AGMAT: variants seen among roughly 807,000 people sequenced by gnomAD.
AGMAT encodes guanidino acid hydrolase, mitochondrial.
Under a neutral mutation model 29.3 loss-of-function variants are expected in AGMAT, and 37 were observed. The ratio of observed to expected loss-of-function variants is 1.26; its 90% CI spans 0.97 to 1.66. The LOEUF is 1.66. Ranked by LOEUF, AGMAT falls within the 40% of genes most tolerant of loss-of-function variation. The pLI is 0.00. For missense variants in AGMAT, 498 were observed against 497.8 expected (o/e 1.00, Z 0.00); for synonymous variants, 199 against 200.8 (o/e 0.99, Z 0.08).
chr1:15,584,621 C>T, intron 1 of AGMAT, 75 bp downstream of exon 1: 1 of 1,243,638 alleles, frequency 8.0e-7, no homozygotes, highest in South Asian at 4.0e-5. Context: ...GGGCGCCTGT[C>T]TCGGTGCTTT....
In AGMAT at chr1:15,584,410, A is replaced by T. The variant is rs915763549; in HGVS notation, c.272+286T>A. On this transcript the variant is annotated intron_variant, in intron 1 of 6. Coordinates refer to ENST00000375826, the MANE Select transcript of AGMAT (RefSeq NM_024758.5). ...CGTGATCCGCCCGCCTCAGCCTCCC[A>T]AAGTGCTGGGATTACAGGCATGAGC... is the stretch of plus-strand genomic sequence containing the variant. Among the ~76,000 whole-genome samples the T allele has an allele frequency of 3.5e-4, 53 of 151,638 alleles. No individual in the cohort carries two copies. In the Middle Eastern group the frequency reaches 0.01, roughly 29 times the overall value.
chr1:15,577,842 TC>T lies in AGMAT; in HGVS notation c.742del (p.Glu248LysfsTer5), dbSNP rs757702716. ...AACCAGCGACTTCATCCAGCAGTCTTCAGCCAGGACTACCCGGAAGCCCTGC... is the reference window on the plus strand; with the variant it reads ...AACCAGCGACTTCATCCAGCAGTCTTAGCCAGGACTACCCGGAAGCCCTGC... ...RSQGFRVVLA[E>X]DCWMKSLVPL... On this transcript the variant is annotated frameshift_variant, in exon 5 of 7. Coordinates refer to ENST00000375826, the MANE Select transcript of AGMAT (RefSeq NM_024758.5). LOFTEE classifies it high-confidence loss of function. 4.3e-6 allele frequency: 7 copies of T among 1,614,170 alleles called. No individual in the cohort carries two copies. The highest frequency in any genetic ancestry group is 1.3e-5 in the African/African-American group (1 of 75,070).
In AGMAT at chr1:15,579,016, G is replaced by A. The variant is rs370479079; in HGVS notation, c.563C>T (p.Thr188Met). The stretch of plus-strand genomic sequence containing the variant: ...TCCTAGGGCCTTGTCGGTCGTGTCC[G>A]TGTGCGCATCCACGTGCAGCAGCCC... ...PVGLLHVDAH[T>M]DTTDKALGEK... The change falls in exon 4 of 7, where the codon ACG becomes ATG. Residue 188 changes from threonine (T) to methionine (M), a missense_variant. Transcript: ENST00000375826. 1.2e-5 allele frequency: 20 copies of A among 1,613,964 alleles called. No homozygotes were observed. The highest frequency in any genetic ancestry group is 1.2e-4 in the African/African-American group (9 of 74,924).
chr1:15,579,967 T>C (rs906042545), intron 3 of AGMAT, 127 bp downstream of exon 3: 85 of 851,224 alleles, frequency 1.0e-4, no homozygotes, highest in Non-Finnish European at 1.6e-4. Flanking sequence ...AACCTTAATT[T>C]TGATCCCCAG....
At chr1:15,583,444 GGCTTTGCTTAGGC>G in intron 1 of AGMAT, 49 bp from the exon 2 acceptor site, 1 of 1,560,168 alleles carries the variant, frequency 6.4e-7, no homozygotes, top group Non-Finnish European at 8.7e-7. Context: ...AGAGATTTCA[GGCTTTGCTTAGGC>G]CAGGGCTTCT....
At position 15,584,690 on chromosome 1, in the gene AGMAT, C is replaced by T. The variant is rs1236076895; in HGVS notation, c.272+6G>A. The T allele has an allele frequency of 1.1e-5, 15 of 1,320,928 alleles. No homozygotes were observed. Among genetic ancestry groups the T allele is most frequent in the Non-Finnish European group, 1.4e-5 (14 of 1,030,062 alleles). The allele number at this position is 1,320,928 out of a possible 1,614,324, so 81.8% of individuals were successfully genotyped here. ...GTGTACCCGGCCCCCGTCCTTCCGG[C>T]CTTACCTCGCCCCAGGCCGGTTGGA... On this transcript the variant is annotated splice_donor_region_variant and intron_variant, in intron 1 of 6. Coordinates refer to ENST00000375826, the MANE Select transcript of AGMAT (RefSeq NM_024758.5).
rs1373093346 is a variant in AGMAT, at chr1:15,571,896, T to C, written c.*1755A>G. The stretch of plus-strand genomic sequence containing the variant: ...AGGGTACATCAACTTGAAGAGTAGA[T>C]TGAGTCTTACAGGAAGTGAGTTACA... On this transcript the variant is annotated 3_prime_UTR_variant, in exon 7 of 7. Transcript: ENST00000375826. 6.6e-6 allele frequency among the ~76,000 whole-genome samples: 1 copy of C among 152,070 alleles called. No individual in the cohort carries two copies. The highest frequency in any genetic ancestry group is 1.5e-5 in the Non-Finnish European group (1 of 68,006).
Position 15,584,736 on chromosome 1 carries a change from C to A in AGMAT, c.232G>T (p.Val78Leu). ...TTGGAGGTCCCAGTATCCAGGGGCA[C>A]CCCGATGAAGGCAGCGTCCAGCCCC... ...PEGLDAAFIG[V>L]PLDTGTSNRP... Residue 78 changes from valine (V) to leucine (L), a missense_variant, in exon 1 of 7, where the codon GTG becomes TTG. Val to Leu is a conservative substitution (Grantham distance 32). Coordinates refer to ENST00000375826, the MANE Select transcript of AGMAT (RefSeq NM_024758.5). 3 of 1,347,114 alleles carry A rather than the reference C, an allele frequency of 2.2e-6. No individual in the cohort carries two copies. Among genetic ancestry groups the A allele is most frequent in the Non-Finnish European group, 2.9e-6 (3 of 1,044,036 alleles). The allele number at this position is 1,347,114 out of a possible 1,614,324, so 83.4% of individuals were successfully genotyped here.
intron 2 of AGMAT, among the ~76,000 whole-genome samples, chr1:15,580,654 G>A (rs1002533530): frequency 6.6e-6 from 1 of 151,978 alleles, no homozygotes; most frequent in Admixed American, 6.6e-5. Flanking sequence ...CTCCAACCTG[G>A]GCGACAGAGT....
At chr1:15,579,813 G>C (rs1639088225) in intron 3 of AGMAT, among the ~76,000 whole-genome samples, 1 of 152,134 alleles carries the variant, frequency 6.6e-6, no homozygotes. Flanking sequence ...TTTCACTAGA[G>C]GCTCATCTTC....
In AGMAT at chr1:15,577,779, T is replaced by C. The variant is rs760928663; in HGVS notation, c.806A>G (p.Lys269Arg). Residue 269 changes from lysine (K) to arginine (R), a missense_variant, in exon 5 of 7, where the codon AAA becomes AGA. By Grantham distance (26) the Lys-to-Arg change is conservative. Transcript: ENST00000375826. ...MGEVRQQMGGKPIYISFDIDA... is the reference protein window; with the variant it reads ...MGEVRQQMGGRPIYISFDIDA... ...AATATCAAAGCTGATATAAATGGGTTTGCCTCCCATCTGCTGCCTGACTTC... is the reference window on the plus strand; with the variant it reads ...AATATCAAAGCTGATATAAATGGGTCTGCCTCCCATCTGCTGCCTGACTTC... 6.2e-7 allele frequency: 1 copy of C among 1,614,134 alleles called. No homozygotes were observed. The highest frequency in any genetic ancestry group is 8.5e-7 in the Non-Finnish European group (1 of 1,180,018).
chr1:15,579,093 G>T (rs369608694), intron 3 of AGMAT, 39 bp from the exon 4 acceptor site: 1 of 1,595,944 alleles, frequency 6.3e-7, no homozygotes, highest in South Asian at 1.1e-5. Context: ...AACCCTCCCT[G>T]TGGGGCCCTA....
chr1:15,581,241 G>A (rs1296317259), intron 2 of AGMAT, among the ~76,000 whole-genome samples: 1 of 151,860 alleles, frequency 6.6e-6, no homozygotes, highest in East Asian at 1.9e-4. Context: ...CCAGCTACTC[G>A]GGAGGCTGGA....
Position 15,584,994 on chromosome 1 carries a change from AC to A in AGMAT, c.-28del. On this transcript the variant is annotated 5_prime_UTR_variant, in exon 1 of 7. Transcript: ENST00000375826. ...GCCGCGCGCGGCCAAGACCTCACCGACCAAACCGCCCGCGAGGCCGCCGCGA... is the reference window on the plus strand; with the variant it reads ...GCCGCGCGCGGCCAAGACCTCACCGACAAACCGCCCGCGAGGCCGCCGCGA... 7.7e-7 allele frequency: 1 copy of A among 1,291,444 alleles called. No individual in the cohort carries two copies. The highest frequency in any genetic ancestry group is 9.8e-7 in the Non-Finnish European group (1 of 1,023,862). 80.0% of individuals were successfully genotyped at this position (1,291,444 alleles called of 1,614,324 possible).
In AGMAT at chr1:15,572,819, ATT is replaced by A. The variant is rs58974289; in HGVS notation, c.*830_*831del. 7.3e-3 allele frequency: 925 copies of A among 126,316 alleles called. 2 individuals are homozygous for A. The highest frequency in any genetic ancestry group is 0.026 in the East Asian group (106 of 4,154). 7.8% of individuals were successfully genotyped at this position (126,316 alleles called of 1,614,324 possible). A position where few individuals can be genotyped will look rare whatever the true frequency, so the allele number is the denominator to read the frequency against. On this transcript the variant is annotated 3_prime_UTR_variant, in exon 7 of 7. Coordinates refer to ENST00000375826, the MANE Select transcript of AGMAT (RefSeq NM_024758.5). ...CTAAGCACCTCATAGGAGAAGCTGT[ATT>A]TTTTTTTTTTTTTTTTGAGATGGAG... is the stretch of plus-strand genomic sequence containing the variant.
At chr1:15,579,082 CA>C (rs1557596870) in intron 3 of AGMAT, 28 bp from the exon 4 acceptor site, 2 of 1,605,582 alleles carry the variant, frequency 1.2e-6, no homozygotes, top group East Asian at 4.5e-5. Flanking sequence ...GCTCAGAGGC[CA>C]ACCCTCCCTG....
At chr1:15,577,926 A>C in intron 4 of AGMAT, 62 bp from the exon 5 acceptor site, 1 of 1,526,162 alleles carries the variant, frequency 6.6e-7, no homozygotes, top group Non-Finnish European at 8.9e-7. Flanking sequence ...CCTGTTTGCC[A>C]GCCCCATGCT....
chr1:15,582,037 G>C lies in AGMAT; in HGVS notation c.475+1156C>G, dbSNP rs547930712. The stretch of plus-strand genomic sequence containing the variant: ...TAATCCCAACACTTTGGAAGGCCGA[G>C]GTGGGCAGATCACCTGAGGTCAGGA... On this transcript the variant is annotated intron_variant, in intron 2 of 6. Transcript: ENST00000375826. 7.9e-5 allele frequency among the ~76,000 whole-genome samples: 12 copies of C among 151,954 alleles called. No individual in the cohort carries two copies. The East Asian group carries it at 2.1e-3, about 27-fold the overall frequency.
chr1:15,574,964 T>G (rs1020858630), intron 5 of AGMAT, 123 bp from the exon 6 acceptor site: 9 of 694,228 alleles, frequency 1.3e-5, no homozygotes, highest in Admixed American at 2.3e-5. Flanking sequence ...CCATAAACAT[T>G]TGTTGACTGC....
Sources: allele counts gnomAD v4.1 joint callset (sites outside exome capture counted in the v4.1 genomes callset), GRCh38; gene constraint gnomAD v4.1.1; transcripts MANE v1.5; gene names NCBI Gene and HGNC (gene_info 2026-07-23, HGNC 2026-07-21).